Variants in BRIP1 observed in about 807,000 individuals in gnomAD.
The protein encoded by BRIP1 is BRCA1 interacting DNA helicase 1, also known as Fanconi anemia group J protein.
Under a neutral mutation model 119.7 loss-of-function variants are expected in BRIP1, and 88 were observed. The ratio of observed to expected loss-of-function variants is 0.74; its 90% CI spans 0.62 to 0.88. BRIP1 has a LOEUF of 0.88. Among genes scored for constraint, BRIP1 ranks in the 40% least tolerant of loss-of-function variants. The pLI is 0.00. For synonymous variants in BRIP1, 443 were observed against 496.5 expected, an observed-to-expected ratio of 0.89 and a Z score of 1.43; for missense variants, 1,259 against 1,455.4, an observed-to-expected ratio of 0.87 and a Z score of 2.20.
chr17:61,769,797 G>A lies in BRIP1; in HGVS notation c.2097+6604C>T, dbSNP rs942894596. On this transcript the variant is annotated intron_variant, in intron 14 of 19. Coordinates refer to ENST00000259008, the MANE Select transcript of BRIP1 (RefSeq NM_032043.3). The surrounding 1 kb of genome is among the most constrained non-coding windows in gnomAD (Gnocchi z 4.9). ...ATCAAGATATGCTTACTGGGACAGC[G>A]GCCACTAAAACATAAATTGACAGAA... is the stretch of plus-strand genomic sequence containing the variant. Among the ~76,000 whole-genome samples the A allele has an allele frequency of 2.6e-5, 4 of 152,096 alleles. No homozygotes were observed. Among genetic ancestry groups the A allele is most frequent in the African/African-American group, 4.8e-5 (2 of 41,420 alleles).
At position 61,760,916 on chromosome 17, in the gene BRIP1, T is replaced by C. The variant is rs1000999272; in HGVS notation, c.2097+15485A>G. The stretch of plus-strand genomic sequence containing the variant: ...AATTCTTTTTACATGACCAGCATTA[T>C]CACCCTGATACCAAGGCCAGATAAG... On this transcript the variant is annotated intron_variant, in intron 14 of 19. Transcript: ENST00000259008. This position sits in a 1 kb window ranked among gnomAD's most constrained non-coding sequence, Gnocchi z 4.6. Among the ~76,000 whole-genome samples, 3 of 151,996 alleles carry C rather than the reference T, an allele frequency of 2.0e-5. No homozygotes were observed. The highest frequency in any genetic ancestry group is 7.2e-5 in the African/African-American group (3 of 41,444).
rs944225859 is a variant in BRIP1 at position 61,793,750 on chromosome 17, T to C, written c.1341-21A>G. On this transcript the variant is annotated intron_variant, in intron 9 of 19. Coordinates refer to ENST00000259008, the MANE Select transcript of BRIP1 (RefSeq NM_032043.3). The surrounding 1 kb of genome is among the most constrained non-coding windows in gnomAD (Gnocchi z 5.2). ...ACCAACTGAAATAAAATAAAACAAT[T>C]GTGTCAACCAGTATCATCCTTACAC... 1.9e-6 allele frequency: 3 copies of C among 1,604,324 alleles called. No homozygotes were observed. In the African/African-American group the frequency reaches 4.0e-5, roughly 21 times the overall value.
In BRIP1 at chr17:61,760,078, C is replaced by T. The variant is rs2144836388; in HGVS notation, c.2098-15487G>A. 6.6e-6 allele frequency among the ~76,000 whole-genome samples: 1 copy of T among 151,938 alleles called. No homozygotes were observed. Among genetic ancestry groups the T allele is most frequent in the Middle Eastern group, 3.4e-3 (1 of 294 alleles). Reference sequence around the variant, plus strand: ...GTTTTAACAAATTTAAGTTTGTTATCATATCAAGTATCTTTGCTGGCCACA... The same window carrying T: ...GTTTTAACAAATTTAAGTTTGTTATTATATCAAGTATCTTTGCTGGCCACA... On this transcript the variant is annotated intron_variant, in intron 14 of 19. Coordinates refer to ENST00000259008, the MANE Select transcript of BRIP1 (RefSeq NM_032043.3). This position sits in a 1 kb window ranked among gnomAD's most constrained non-coding sequence, Gnocchi z 4.6.
chr17:61,819,773 A>G (rs2078293374), intron 6 of BRIP1, among the ~76,000 whole-genome samples: 1 of 152,110 alleles, frequency 6.6e-6, no homozygotes, highest in Admixed American at 6.5e-5. Context: ...TGTTAATGGG[A>G]ACAAAAAAGT....
At chr17:61,702,735 C>A (rs1373742727) in intron 17 of BRIP1, among the ~76,000 whole-genome samples, 1 of 152,176 alleles carries the variant, frequency 6.6e-6, no homozygotes, top group Non-Finnish European at 1.5e-5. Flanking sequence ...GATTCCACGT[C>A]TTTGCTACTG....
rs1441929229 is a variant in BRIP1, at chr17:61,701,482, A to G, written c.2493-7970T>C. ...CTGCATATATTGGGGCATAATTTCAATCCTCAGCACTGTAGGTAATAACTC... is the reference window on the plus strand; with the variant it reads ...CTGCATATATTGGGGCATAATTTCAGTCCTCAGCACTGTAGGTAATAACTC... On this transcript the variant is annotated intron_variant, in intron 17 of 19. Coordinates refer to ENST00000259008, the MANE Select transcript of BRIP1 (RefSeq NM_032043.3). The surrounding 1 kb of genome is among the most constrained non-coding windows in gnomAD (Gnocchi z 5.1). 6.6e-6 allele frequency among the ~76,000 whole-genome samples: 1 copy of G among 152,160 alleles called. No individual in the cohort carries two copies. Among genetic ancestry groups the G allele is most frequent in the Non-Finnish European group, 1.5e-5 (1 of 68,022 alleles).
chr17:61,813,158 G>T (rs1463531215), intron 6 of BRIP1, among the ~76,000 whole-genome samples: 1 of 151,868 alleles, frequency 6.6e-6, no homozygotes, highest in Admixed American at 6.6e-5. Context: ...AAGCAGGCAG[G>T]AGTACGAAAA....
rs2145070752 is a variant in BRIP1 at position 61,780,171 on chromosome 17, C to T, written c.1935+90G>A. Reference sequence around the variant, plus strand: ...TGAATTTCCTACCAAGATTTACTTGCTGGCACTTCAGGTATCTTCTAACTT... The same window carrying T: ...TGAATTTCCTACCAAGATTTACTTGTTGGCACTTCAGGTATCTTCTAACTT... On this transcript the variant is annotated intron_variant, in intron 13 of 19. Coordinates refer to ENST00000259008, the MANE Select transcript of BRIP1 (RefSeq NM_032043.3). This position sits in a 1 kb window ranked among gnomAD's most constrained non-coding sequence, Gnocchi z 5.4. 1.5e-6 allele frequency: 2 copies of T among 1,357,640 alleles called. No homozygotes were observed. Among genetic ancestry groups the T allele is most frequent in the Middle Eastern group, 5.2e-4 (2 of 3,826 alleles). 84.1% of individuals were successfully genotyped at this position (1,357,640 alleles called of 1,614,324 possible).
In BRIP1 at chr17:61,739,722, TA is replaced by T. The variant is rs1346369120; in HGVS notation, c.2379+3290del. On this transcript the variant is annotated intron_variant, in intron 16 of 19. Transcript: ENST00000259008. This position sits in a 1 kb window ranked among gnomAD's most constrained non-coding sequence, Gnocchi z 6.0. ...TATGAGACCCTAACTGACTGTATCC[TA>T]GGGGGAGGGATATAGGTCATAATCA... Among the ~76,000 whole-genome samples the T allele has an allele frequency of 6.6e-6, 1 of 152,140 alleles. No individual in the cohort carries two copies. The highest frequency in any genetic ancestry group is 2.4e-5 in the African/African-American group (1 of 41,432).
intron 16 of BRIP1, among the ~76,000 whole-genome samples, chr17:61,728,978 T>A (rs1603298725): frequency 6.7e-6 from 1 of 149,632 alleles, no homozygotes. Flanking sequence ...GAGAGGAGGG[T>A]TCTATCAACC....
At chr17:61,801,169 A>AT in intron 8 of BRIP1, 84 bp downstream of exon 8, 1 of 1,345,874 alleles carries the variant, frequency 7.4e-7, no homozygotes. Flanking sequence ...AGCAAAAAAA[A>AT]TTAAAACATC....
At chr17:61,728,199 T>C (rs2076795616) in intron 16 of BRIP1, among the ~76,000 whole-genome samples, 1 of 152,050 alleles carries the variant, frequency 6.6e-6, no homozygotes, top group Admixed American at 6.6e-5. Context: ...AATATTTGAT[T>C]CAGAGCTTTT....
At chr17:61,854,702 C>CAAAAAA (rs60657866) in intron 4 of BRIP1, among the ~76,000 whole-genome samples, 2 of 82,288 alleles carry the variant, frequency 2.4e-5, no homozygotes, top group Non-Finnish European at 2.5e-5. Flanking sequence ...GACTCCGTCT[C>CAAAAAA]AAAAAAAAAA....
At position 61,770,822 on chromosome 17, in the gene BRIP1, A is replaced by G. The variant is rs2077437497; in HGVS notation, c.2097+5579T>C. On this transcript the variant is annotated intron_variant, in intron 14 of 19. Coordinates refer to ENST00000259008, the MANE Select transcript of BRIP1 (RefSeq NM_032043.3). This position sits in a 1 kb window ranked among gnomAD's most constrained non-coding sequence, Gnocchi z 4.7. The stretch of plus-strand genomic sequence containing the variant: ...AAAAATTTAAATGGCACACTAGAAA[A>G]TATCTATCTATTAGATTCAAAAGGC... 6.6e-6 allele frequency among the ~76,000 whole-genome samples: 1 copy of G among 152,210 alleles called. No individual in the cohort carries two copies.
chr17:61,738,612 C>T lies in BRIP1; in HGVS notation c.2379+4401G>A, dbSNP rs1183468228. On this transcript the variant is annotated intron_variant, in intron 16 of 19. Transcript: ENST00000259008. The surrounding 1 kb of genome is among the most constrained non-coding windows in gnomAD (Gnocchi z 4.2). Reference sequence around the variant, plus strand: ...GAGATATTGTCTAGGAAGAATTTATCCTGAGGAAAAAAAGCATTAAGAACC... The same window carrying T: ...GAGATATTGTCTAGGAAGAATTTATTCTGAGGAAAAAAAGCATTAAGAACC... Among the ~76,000 whole-genome samples the T allele has an allele frequency of 6.6e-6, 1 of 151,834 alleles. No individual in the cohort carries two copies. Among genetic ancestry groups the T allele is most frequent in the East Asian group, 1.9e-4 (1 of 5,178 alleles).
intron 14 of BRIP1, among the ~76,000 whole-genome samples, chr17:61,773,453 A>C (rs7225251): frequency 0.033 from 4,994 of 152,266 alleles, 310 homozygotes; most frequent in African/African-American, 0.11. Context: ...AAAACCATAA[A>C]AACCCTAGAA....
intron 6 of BRIP1, among the ~76,000 whole-genome samples, chr17:61,821,655 G>A (rs973982318): frequency 4.0e-5 from 6 of 151,780 alleles, no homozygotes; most frequent in Admixed American, 1.3e-4. Context: ...TCAGCTTCCC[G>A]AGTAGCTGGG....
chr17:61,808,518 G>A lies in BRIP1; in HGVS notation c.867C>T (p.Val289=), dbSNP rs147739458. The A allele has an allele frequency of 3.2e-5, 51 of 1,613,518 alleles. No individual in the cohort carries two copies. Among genetic ancestry groups the A allele is most frequent in the East Asian group, 6.7e-5 (3 of 44,864 alleles). ...ACTTCTCATTTCTGTTGAAGTTACC[G>A]ACTACCTCAGGATGGACACAAGTAT... ...RDHTCVHPEV[V]GNFNRNEKCM... The change falls in exon 7 of 20, where the codon GTC becomes GTT. Residue 289 remains valine (V), a synonymous_variant. Transcript: ENST00000259008. The surrounding 1 kb of genome is among the most constrained non-coding windows in gnomAD (Gnocchi z 4.1).
rs753214212 is a variant in BRIP1 at position 61,799,124 on chromosome 17, C to T, written c.1316G>A (p.Arg439Gln). 1.9e-6 allele frequency: 3 copies of T among 1,613,202 alleles called. No individual in the cohort carries two copies. The highest frequency in any genetic ancestry group is 2.5e-6 in the Non-Finnish European group (3 of 1,179,400). Residue 439 changes from arginine to glutamine, a missense_variant, in exon 9 of 20, where the codon CGA (arginine) becomes CAA (glutamine). Around this residue, in one of 3 missense-constraint regions of BRIP1, gnomAD observed 501 missense variants for 544.0 expected, o/e 0.92. Coordinates refer to ENST00000259008, the MANE Select transcript of BRIP1 (RefSeq NM_032043.3). The surrounding 1 kb of genome is among the most constrained non-coding windows in gnomAD (Gnocchi z 5.1). Reference protein sequence around the residue: ...NIRKKDHEPLRAVCCSLINWL... With the variant: ...NIRKKDHEPLQAVCCSLINWL... ...CTTAATGAGGCTACAGCACACAGCT[C>T]GTAGGGGTTCATGATCTTTCTTCCT... is the stretch of plus-strand genomic sequence containing the variant.
Sources: gnomAD v4.1 joint callset for allele counts (sites outside exome capture counted in the v4.1 genomes callset) on GRCh38, gnomAD v4.1.1 for gene constraint, gnomAD v4.1.1 regional missense constraint, Gnocchi (gnomAD v3.1) non-coding constraint, MANE v1.5 for transcripts, NCBI Gene and HGNC (gene_info 2026-07-23, HGNC 2026-07-21) for gene names.